CRYL1: variants seen among roughly 807,000 people sequenced by gnomAD.
CRYL1 encodes the protein crystallin lambda 1, also known as lambda-crystallin homolog.
A neutral mutation model predicts 36.6 loss-of-function variants in CRYL1; 29 were observed. The observed-to-expected ratio is 0.79, with a 90% CI of 0.59 to 1.08. CRYL1 has a LOEUF of 1.08. Among genes scored for constraint, CRYL1 ranks in the 50% least tolerant of loss-of-function variants. The pLI, the probability that CRYL1 is intolerant of heterozygous loss-of-function variation, is 0.00. For synonymous variants in CRYL1, 152 were observed against 151.5 expected (o/e 1.00, Z -0.02); for missense variants, 411 against 407.9 (o/e 1.01, Z -0.06).
intron 5 of CRYL1, chr13:20,427,142 T>C (rs1198326755): frequency 2.0e-6 from 2 of 985,374 alleles, no homozygotes; most frequent in Non-Finnish European, 2.4e-6. Flanking sequence ...ATTATGCTAA[T>C]GCCTTAAAAA....
At chr13:20,466,777 C>T (rs1256121817) in intron 3 of CRYL1, among the ~76,000 whole-genome samples, 1 of 151,458 alleles carries the variant, frequency 6.6e-6, no homozygotes, top group Non-Finnish European at 1.5e-5. Context: ...TAACTATGCA[C>T]ATGAATGTAA....
intron 4 of CRYL1, among the ~76,000 whole-genome samples, chr13:20,438,348 CT>C (rs2032280169): frequency 6.6e-6 from 1 of 151,982 alleles, no homozygotes; most frequent in African/African-American, 2.4e-5. Flanking sequence ...TGCCCAAGTC[CT>C]GTGACATCAT....
At chr13:20,518,028 C>A (rs567185114) in intron 1 of CRYL1, among the ~76,000 whole-genome samples, 18 of 151,708 alleles carry the variant, frequency 1.2e-4, no homozygotes, top group African/African-American at 4.4e-4. Context: ...CTAGCACTCA[C>A]CTTCATATTC....
intron 5 of CRYL1, among the ~76,000 whole-genome samples, chr13:20,424,033 T>G (rs1375576601): frequency 1.3e-5 from 2 of 152,038 alleles, no homozygotes; most frequent in African/African-American, 4.8e-5. Flanking sequence ...ATTCCGAAAG[T>G]GCTGGGATTA....
intron 2 of CRYL1, among the ~76,000 whole-genome samples, chr13:20,508,028 G>A (rs2033835291): frequency 6.6e-6 from 1 of 151,420 alleles, no homozygotes; most frequent in Non-Finnish European, 1.5e-5. Flanking sequence ...ATCACTTCCA[G>A]ACAAGCCTGG....
chr13:20,413,987 A>G (rs2031590386), intron 5 of CRYL1, among the ~76,000 whole-genome samples: 1 of 152,018 alleles, frequency 6.6e-6, no homozygotes, highest in African/African-American at 2.4e-5. Context: ...CAGCCTGGCC[A>G]ACATGGTGAA....
chr13:20,467,844 C>G (rs1324489730), intron 3 of CRYL1, among the ~76,000 whole-genome samples: 1 of 152,156 alleles, frequency 6.6e-6, no homozygotes. Flanking sequence ...AGACTGGTAC[C>G]GGTCCCTGGC....
chr13:20,492,175 C>T (rs1248475446), intron 2 of CRYL1, among the ~76,000 whole-genome samples: 6 of 152,200 alleles, frequency 3.9e-5, no homozygotes, highest in Admixed American at 3.9e-4. Flanking sequence ...GAAAAGAGAG[C>T]ACCATGTGAT....
chr13:20,406,752 A>C (rs921496921), intron 6 of CRYL1, among the ~76,000 whole-genome samples: 2 of 151,998 alleles, frequency 1.3e-5, no homozygotes, highest in African/African-American at 4.8e-5. Context: ...GAGACACAAG[A>C]ATCAAGTTGA....
At chr13:20,438,200 T>C (rs1398729285) in intron 4 of CRYL1, among the ~76,000 whole-genome samples, 4 of 152,174 alleles carry the variant, frequency 2.6e-5, no homozygotes, top group South Asian at 2.1e-4. Flanking sequence ...GCTGCTGCTC[T>C]TCTTAGCACA....
At chr13:20,478,136 T>A (rs1565977650) in intron 3 of CRYL1, among the ~76,000 whole-genome samples, 1 of 151,896 alleles carries the variant, frequency 6.6e-6, no homozygotes, top group Non-Finnish European at 1.5e-5. Context: ...TTATAGTTGC[T>A]AAAGTGTTTA....
chr13:20,490,630 T>C (rs2033490680), intron 2 of CRYL1, among the ~76,000 whole-genome samples: 1 of 137,504 alleles, frequency 7.3e-6, no homozygotes, highest in African/African-American at 2.7e-5. Context: ...ATTACTTTTT[T>C]TAAAATGAAA....
intron 2 of CRYL1, chr13:20,502,610 A>C (rs1349661290): frequency 6.6e-6 from 1 of 152,070 alleles, no homozygotes; most frequent in Non-Finnish European, 1.5e-5. Flanking sequence ...AGCCGAGATC[A>C]CGCCACTGCA....
chr13:20,482,268 C>T (rs370511742), intron 3 of CRYL1, among the ~76,000 whole-genome samples: 22 of 152,324 alleles, frequency 1.4e-4, no homozygotes, highest in African/African-American at 4.8e-4. Flanking sequence ...TTCTCGATTT[C>T]AGCTATTGCA....
rs1055896299 is a variant in CRYL1, at chr13:20,435,133, T to C, written c.439-2837A>G. Reference sequence around the variant, plus strand: ...TAAGAGGAGAAAGTTCCATGGATTGTTGGTGGTGGTGGCTGCACACCAGTG... The same window carrying C: ...TAAGAGGAGAAAGTTCCATGGATTGCTGGTGGTGGTGGCTGCACACCAGTG... On this transcript the variant is annotated intron_variant, in intron 4 of 7. Coordinates refer to ENST00000298248, the MANE Select transcript of CRYL1 (RefSeq NM_015974.3). The surrounding 1 kb of genome is among the most constrained non-coding windows in gnomAD (Gnocchi z 4.0). Among the ~76,000 whole-genome samples, 1 of 152,350 alleles carries C rather than the reference T, an allele frequency of 6.6e-6. No homozygotes were observed. Among genetic ancestry groups the C allele is most frequent in the South Asian group, 2.1e-4 (1 of 4,826 alleles).
intron 1 of CRYL1, among the ~76,000 whole-genome samples, chr13:20,519,701 G>A (rs9506504): frequency 0.85 from 128,511 of 152,080 alleles, 57,230 homozygotes; most frequent in East Asian, 1. Context: ...GTAGATAAAC[G>A]GCAAGAAAAA....
rs141250759 is a variant in CRYL1 at position 20,458,070 on chromosome 13, C to A, written c.277-18316G>T. Among the ~76,000 whole-genome samples, 518 of 152,246 alleles carry A rather than the reference C, an allele frequency of 3.4e-3. 2 individuals are homozygous for A. Among genetic ancestry groups the A allele is most frequent in the African/African-American group, 0.012 (494 of 41,536 alleles). Reference sequence around the variant, plus strand: ...TTACCAGCCAACCACAGGAAGAAAGCCACATCACCAAATAGGTCAAGGGTT... The same window carrying A: ...TTACCAGCCAACCACAGGAAGAAAGACACATCACCAAATAGGTCAAGGGTT... On this transcript the variant is annotated intron_variant, in intron 3 of 7. Coordinates refer to ENST00000298248, the MANE Select transcript of CRYL1 (RefSeq NM_015974.3).
chr13:20,459,681 C>A (rs1215415506), intron 3 of CRYL1, among the ~76,000 whole-genome samples: 1 of 152,028 alleles, frequency 6.6e-6, no homozygotes, highest in East Asian at 1.9e-4. Context: ...GGGGAACAGA[C>A]ATTGGGGCCT....
At chr13:20,426,919 A>G in intron 5 of CRYL1, 3 of 985,622 alleles carry the variant, frequency 3.0e-6, no homozygotes. Flanking sequence ...CAGCACAGGG[A>G]TGACATCATT....
Sources: gnomAD v4.1 joint callset for allele counts (sites outside exome capture counted in the v4.1 genomes callset) on GRCh38, gnomAD v4.1.1 for gene constraint, Gnocchi (gnomAD v3.1) non-coding constraint, MANE v1.5 for transcripts, NCBI Gene and HGNC (gene_info 2026-07-23, HGNC 2026-07-21) for gene names.